AGMO: variants seen among roughly 807,000 people sequenced by gnomAD.
The protein encoded by AGMO is alkylglycerol monooxygenase.
A neutral mutation model predicts 60.2 loss-of-function variants in AGMO; 75 were observed. That is an observed-to-expected ratio of 1.25 (90% confidence interval 1.03 to 1.51). AGMO has a LOEUF of 1.51. Ranked by LOEUF, AGMO falls within the 40% of genes most tolerant of loss-of-function variation. AGMO has a pLI of 0.00. For missense variants in AGMO, 763 were observed against 525.5 expected, an observed-to-expected ratio of 1.45 and a Z score of -4.42; for synonymous variants, 261 against 177.1, an observed-to-expected ratio of 1.47 and a Z score of -3.76.
chr7:15,407,249 A>ATATATATATATATATATG (rs1275947261), intron 5 of AGMO, among the ~76,000 whole-genome samples: 5 of 147,016 alleles, frequency 3.4e-5, no homozygotes, highest in Admixed American at 1.4e-4. Flanking sequence ...ATATATATAT[A>ATATATATATATATATATG]TGTATATACT....
chr7:15,131,790 A>AC, the AGMO span, among the ~76,000 whole-genome samples: 2 of 150,964 alleles, frequency 1.3e-5, no homozygotes, highest in Non-Finnish European at 3.0e-5. Flanking sequence ...ACACACACAC[A>AC]AACAAGGTAG....
chr7:15,432,379 T>TATATGTGTATATATATATATATATAC lies in AGMO; in HGVS notation c.410-1272_410-1271insGTATATATATATATATATACACATAT, dbSNP rs373845365. Among the ~76,000 whole-genome samples the TATATGTGTATATATATATATATATAC allele has an allele frequency of 2.0e-3, 268 of 136,180 alleles. 1 individual carries two copies. The highest frequency in any genetic ancestry group is 7.3e-3 in the African/African-American group (259 of 35,628). The allele number at this position is 136,180 out of a possible 152,430, so 89.3% of individuals were successfully genotyped here. ...ATATATATACACACACATATATATATACACTATCTGGGTAAATTTTGGCCA... is the reference window on the plus strand; with the variant it reads ...ATATATATACACACACATATATATATATATGTGTATATATATATATATATACACACTATCTGGGTAAATTTTGGCCA... On this transcript the variant is annotated intron_variant, in intron 3 of 12. Transcript: ENST00000342526.
intron 12 of AGMO, among the ~76,000 whole-genome samples, chr7:15,323,765 C>A (rs565656610): frequency 6.6e-6 from 1 of 152,250 alleles, no homozygotes; most frequent in African/African-American, 2.4e-5. Flanking sequence ...ACAAGGAAAG[C>A]CTCGTGGTAT....
intron 12 of AGMO, among the ~76,000 whole-genome samples, chr7:15,346,617 T>TAA (rs11417689): frequency 0.037 from 5,429 of 145,774 alleles, 119 homozygotes; most frequent in South Asian, 0.065. Flanking sequence ...TCTTAAAAAG[T>TAA]AAAAAAAAAA....
chr7:15,371,938 A>G (rs1783235419), intron 10 of AGMO, among the ~76,000 whole-genome samples: 1 of 151,996 alleles, frequency 6.6e-6, no homozygotes, highest in Admixed American at 6.6e-5. Context: ...TAAATATTAA[A>G]TATTTAAATA....
At chr7:15,403,331 T>C (rs1170910185) in intron 5 of AGMO, among the ~76,000 whole-genome samples, 2 of 151,972 alleles carry the variant, frequency 1.3e-5, no homozygotes, top group Non-Finnish European at 2.9e-5. Context: ...TTCTTGCTCA[T>C]AAATTTCTTC....
chr7:15,416,027 CTTT>C (rs759040945), intron 5 of AGMO, among the ~76,000 whole-genome samples: 2 of 130,886 alleles, frequency 1.5e-5, no homozygotes, highest in Admixed American at 7.8e-5. Flanking sequence ...TTCTTTTTTT[CTTT>C]TTTTTTTTTT....
chr7:15,364,289 T>C (rs1782879354), intron 12 of AGMO, among the ~76,000 whole-genome samples: 3 of 152,018 alleles, frequency 2.0e-5, no homozygotes, highest in Non-Finnish European at 1.5e-5. Flanking sequence ...TCTTCCTAGA[T>C]ATATTTACAT....
At chr7:15,395,770 G>T (rs1175366731) in intron 5 of AGMO, among the ~76,000 whole-genome samples, 1 of 152,122 alleles carries the variant, frequency 6.6e-6, no homozygotes, top group Non-Finnish European at 1.5e-5. Flanking sequence ...TAATCCAACT[G>T]AAAATAATAA....
chr7:15,483,197 A>G (rs1490123816), intron 3 of AGMO, among the ~76,000 whole-genome samples: 1 of 152,228 alleles, frequency 6.6e-6, no homozygotes, highest in Admixed American at 6.5e-5. Flanking sequence ...GCCATTGAAT[A>G]CAAGTTCAAT....
intron 3 of AGMO, among the ~76,000 whole-genome samples, chr7:15,471,837 T>G (rs1000197882): frequency 6.6e-6 from 1 of 151,952 alleles, no homozygotes; most frequent in Admixed American, 6.6e-5. Flanking sequence ...TTTTTTAATC[T>G]TCCAAAAAGC....
intron 3 of AGMO, among the ~76,000 whole-genome samples, chr7:15,536,914 CT>C (rs200872490): frequency 0.015 from 2,210 of 150,794 alleles, 57 homozygotes; most frequent in African/African-American, 0.05. Context: ...CTTGATTTGA[CT>C]TTTTTTTTGG....
chr7:15,160,417 C>T, the AGMO span, among the ~76,000 whole-genome samples: 43 of 152,106 alleles, frequency 2.8e-4, no homozygotes, highest in Non-Finnish European at 8.8e-5. Context: ...AATGTAAATC[C>T]GTAATGACTT....
At chr7:15,296,445 G>A (rs887107766) in intron 12 of AGMO, among the ~76,000 whole-genome samples, 19 of 152,212 alleles carry the variant, frequency 1.2e-4, no homozygotes, top group East Asian at 3.9e-4. Flanking sequence ...GTGCACCATC[G>A]TTGAAGTCCA....
chr7:15,431,687 C>G (rs1305897061), intron 3 of AGMO, among the ~76,000 whole-genome samples: 1 of 151,832 alleles, frequency 6.6e-6, no homozygotes, highest in Non-Finnish European at 1.5e-5. Context: ...AAGATATTAG[C>G]TAACAGTTAC....
chr7:15,198,534 T>C (rs1406212073), downstream of AGMO, among the ~76,000 whole-genome samples: 2 of 152,022 alleles, frequency 1.3e-5, no homozygotes, highest in East Asian at 1.9e-4. Flanking sequence ...GACAGGGAAA[T>C]TGTAATAGAG....
chr7:15,381,568 T>C (rs1397330746), intron 10 of AGMO, among the ~76,000 whole-genome samples: 2 of 152,172 alleles, frequency 1.3e-5, no homozygotes, highest in East Asian at 3.9e-4. Flanking sequence ...GCTTATACAC[T>C]GTTGGTGGGA....
intron 12 of AGMO, among the ~76,000 whole-genome samples, chr7:15,239,358 T>C (rs1273068930): frequency 1.1e-4 from 16 of 152,128 alleles, no homozygotes; most frequent in Admixed American, 9.8e-4. Context: ...CCATTGCAGA[T>C]GGATTGATTG....
At chr7:15,540,558 A>C (rs1784599764) in intron 3 of AGMO, among the ~76,000 whole-genome samples, 2 of 152,180 alleles carry the variant, frequency 1.3e-5, no homozygotes, top group South Asian at 4.1e-4. Flanking sequence ...GGCAAAAGAG[A>C]AATGTCTACA....
Sources: allele counts gnomAD v4.1 joint callset (sites outside exome capture counted in the v4.1 genomes callset), GRCh38; gene constraint gnomAD v4.1.1; transcripts MANE v1.5; gene names NCBI Gene and HGNC (gene_info 2026-07-23, HGNC 2026-07-21).